SHANK2: variants seen among roughly 807,000 people sequenced by gnomAD.
SHANK2 encodes the protein SH3 and multiple ankyrin repeat domains 2.
In SHANK2, 43 loss-of-function variants were observed where a neutral mutation model predicts 133.7. That is an observed-to-expected ratio of 0.32 (90% confidence interval 0.25 to 0.41). The LOEUF (loss-of-function observed/expected upper bound fraction) is 0.41, where lower values mean the gene tolerates loss of function less well. Among genes scored for constraint, SHANK2 ranks in the 10% least tolerant of loss-of-function variants. The pLI is 1.00. For synonymous variants in SHANK2, 1,017 were observed against 952.8 expected (o/e 1.07, Z -1.24); for missense variants, 1,994 against 2,235.8 (o/e 0.89, Z 2.18).
rs1555155520 is a variant in SHANK2 at position 70,490,411 on chromosome 11, G to A, written c.2440-24C>T. On this transcript the variant is annotated intron_variant, in intron 22 of 25. Coordinates refer to ENST00000601538, the MANE Select transcript of SHANK2 (RefSeq NM_012309.5). ...GACTGCAAACCAGAGAGCCTAGGGT[G>A]AGACGCAGCCCTGGCCAGCCCCCAC... 3 of 1,600,458 alleles carry A rather than the reference G, an allele frequency of 1.9e-6. No individual in the cohort carries two copies. In the Admixed American group the frequency reaches 5.0e-5, roughly 27 times the overall value.
At chr11:70,924,846 G>A (rs1160464268) in intron 10 of SHANK2, among the ~76,000 whole-genome samples, 1 of 152,186 alleles carries the variant, frequency 6.6e-6, no homozygotes, top group Non-Finnish European at 1.5e-5. Context: ...TTATTTCAGA[G>A]AACAGATAAA....
intron 11 of SHANK2, among the ~76,000 whole-genome samples, chr11:70,827,078 A>G (rs1948653611): frequency 6.6e-6 from 1 of 152,210 alleles, no homozygotes; most frequent in African/African-American, 2.4e-5. Flanking sequence ...GAAGCGTACA[A>G]GTACCAGATA....
At chr11:71,218,028 T>G (rs1555120307) in intron 2 of SHANK2, among the ~76,000 whole-genome samples, 1 of 151,842 alleles carries the variant, frequency 6.6e-6, no homozygotes, top group Non-Finnish European at 1.5e-5. Context: ...TTTTTTGTAT[T>G]TTTAGAAGAA....
chr11:70,715,613 T>C (rs1945896749), intron 14 of SHANK2, among the ~76,000 whole-genome samples: 1 of 152,192 alleles, frequency 6.6e-6, no homozygotes, highest in Admixed American at 6.5e-5. Context: ...TTAAAAAAAA[T>C]CAGCCCAGGA....
intron 17 of SHANK2, among the ~76,000 whole-genome samples, chr11:70,612,029 TTCTGC>T (rs2060665165): frequency 6.6e-6 from 1 of 151,870 alleles, no homozygotes; most frequent in Admixed American, 6.6e-5. Context: ...GTCTTGAGCG[TTCTGC>T]CCAAGATCCA....
chr11:70,838,500 C>T (rs553967534), intron 11 of SHANK2, among the ~76,000 whole-genome samples: 3 of 152,198 alleles, frequency 2.0e-5, no homozygotes, highest in East Asian at 1.9e-4. Flanking sequence ...TGCCTTGCCC[C>T]GTGGAGGTGC....
At chr11:70,554,802 C>T (rs1163079825) in intron 17 of SHANK2, among the ~76,000 whole-genome samples, 1 of 151,862 alleles carries the variant, frequency 6.6e-6, no homozygotes, top group Non-Finnish European at 1.5e-5. Context: ...TGCCCCCAAT[C>T]CCTGGCAACT....
At chr11:71,216,579 G>A (rs960788364) in intron 2 of SHANK2, among the ~76,000 whole-genome samples, 7 of 152,132 alleles carry the variant, frequency 4.6e-5, no homozygotes, top group Admixed American at 2.0e-4. Flanking sequence ...TGATGACTGC[G>A]CCACTCTGAA....
intron 3 of SHANK2, among the ~76,000 whole-genome samples, chr11:71,126,216 C>CAAAAAAAAAAAA (rs1170621448): frequency 1.4e-4 from 9 of 64,430 alleles, no homozygotes; most frequent in African/African-American, 1.8e-4. Flanking sequence ...GACTCCGTCT[C>CAAAAAAAAAAAA]AAAAAAAAAA....
chr11:71,135,749 C>G (rs1388849984), intron 3 of SHANK2, among the ~76,000 whole-genome samples: 1 of 152,128 alleles, frequency 6.6e-6, no homozygotes, highest in African/African-American at 2.4e-5. Context: ...AGCCACCGTG[C>G]CCAGCCGGGG....
At chr11:70,940,568 C>A (rs1555084232) in intron 10 of SHANK2, among the ~76,000 whole-genome samples, 1 of 151,948 alleles carries the variant, frequency 6.6e-6, no homozygotes, top group Non-Finnish European at 1.5e-5. Context: ...CACAGCAGGC[C>A]CAGGACACAA....
intron 2 of SHANK2, among the ~76,000 whole-genome samples, chr11:71,221,430 C>A (rs1954539568): frequency 6.6e-6 from 1 of 152,140 alleles, no homozygotes; most frequent in African/African-American, 2.4e-5. Flanking sequence ...CCCAGTCCTT[C>A]CCTGGCAAAT....
At chr11:70,724,225 A>G (rs782786970) in intron 14 of SHANK2, among the ~76,000 whole-genome samples, 17 of 152,000 alleles carry the variant, frequency 1.1e-4, no homozygotes, top group Non-Finnish European at 4.4e-5. Context: ...TAGTAGAGAC[A>G]GGGTTTCACC....
chr11:70,758,487 C>G (rs910581463), intron 14 of SHANK2, among the ~76,000 whole-genome samples: 1 of 152,222 alleles, frequency 6.6e-6, no homozygotes, highest in Admixed American at 6.5e-5. Context: ...ATTGTTCCTG[C>G]GCCAGCTAAG....
chr11:70,865,889 C>T (rs945454064), intron 11 of SHANK2, among the ~76,000 whole-genome samples: 2 of 152,208 alleles, frequency 1.3e-5, no homozygotes, highest in African/African-American at 4.8e-5. Flanking sequence ...AAGGAATATG[C>T]CCACAGTGCT....
In SHANK2 at chr11:70,485,540, G is replaced by A; in HGVS notation, c.4753C>T (p.Pro1585Ser). The change falls in exon 25 of 26, where the codon CCG becomes TCG. Residue 1585 changes from proline to serine, a missense_variant. By Grantham distance (74) the Pro-to-Ser change is moderately conservative. Around this residue, in one of 5 missense-constraint regions of SHANK2, gnomAD observed 797 missense variants for 907.4 expected, o/e 0.88. Transcript: ENST00000601538. The surrounding 1 kb of genome is among the most constrained non-coding windows in gnomAD (Gnocchi z 5.8). Reference protein sequence around the residue: ...FVIPPPAPPPPPGSAQPGMAK... With the variant: ...FVIPPPAPPPSPGSAQPGMAK... ...ATCCCAGGCTGGGCACTGCCCGGCG[G>A]GGGCGGGGGAGCGGGCGGGGGGATA... The A allele has an allele frequency of 6.2e-7, 1 of 1,612,902 alleles. No homozygotes were observed. The highest frequency in any genetic ancestry group is 8.5e-7 in the Non-Finnish European group (1 of 1,179,994).
chr11:70,478,887 C>T (rs1310473925), intron 25 of SHANK2, among the ~76,000 whole-genome samples: 2 of 152,334 alleles, frequency 1.3e-5, no homozygotes, highest in South Asian at 2.1e-4. Flanking sequence ...CCTGAGGCTC[C>T]GCGGCAGTTC....
At chr11:70,782,952 T>C (rs1947540092) in intron 14 of SHANK2, among the ~76,000 whole-genome samples, 1 of 152,100 alleles carries the variant, frequency 6.6e-6, no homozygotes, top group Non-Finnish European at 1.5e-5. Context: ...GGACCCGCAA[T>C]GTGATGGGGA....
At chr11:71,085,467 T>TATATAATATATATGTTATATA in intron 8 of SHANK2, among the ~76,000 whole-genome samples, 1 of 124,098 alleles carries the variant, frequency 8.1e-6, no homozygotes, top group African/African-American at 3.1e-5. Flanking sequence ...AATATATATA[T>TATATAATATATATGTTATATA]ATATATAATA....
Sources: gnomAD v4.1 joint callset for allele counts (sites outside exome capture counted in the v4.1 genomes callset) on GRCh38, gnomAD v4.1.1 for gene constraint, gnomAD v4.1.1 regional missense constraint, Gnocchi (gnomAD v3.1) non-coding constraint, MANE v1.5 for transcripts, NCBI Gene and HGNC (gene_info 2026-07-23, HGNC 2026-07-21) for gene names.